The following SORCS1 variants were observed in gnomAD, a reference collection of about 807,000 sequenced individuals.
SORCS1 encodes the protein VPS10 domain-containing receptor SorCS1.
Under a neutral mutation model 146.1 loss-of-function variants are expected in SORCS1, and 60 were observed. That is an observed-to-expected ratio of 0.41 (90% confidence interval 0.33 to 0.51). SORCS1 has a LOEUF of 0.51. SORCS1 is among the 20% of genes least tolerant of loss of function. The pLI is 0.21. For synonymous variants in SORCS1, 637 were observed against 584.0 expected, an observed-to-expected ratio of 1.09 and a Z score of -1.31; for missense variants, 1,352 against 1,487.6, an observed-to-expected ratio of 0.91 and a Z score of 1.50.
intron 2 of SORCS1, among the ~76,000 whole-genome samples, chr10:106,936,084 T>C (rs992921414): frequency 4.6e-5 from 7 of 152,194 alleles, no homozygotes; most frequent in African/African-American, 1.4e-4. Context: ...TGCAGTATGG[T>C]GCAGGAAGCT....
chr10:106,803,291 A>G (rs900038656), intron 3 of SORCS1, among the ~76,000 whole-genome samples: 2 of 152,206 alleles, frequency 1.3e-5, no homozygotes, highest in African/African-American at 4.8e-5. Context: ...ATTCATTTAC[A>G]TATCCATATC....
At chr10:107,042,796 GATGGGGTTTCACC>G (rs1959179691) in intron 1 of SORCS1, among the ~76,000 whole-genome samples, 1 of 152,028 alleles carries the variant, frequency 6.6e-6, no homozygotes, top group Admixed American at 6.6e-5. Flanking sequence ...TTTTAGTAGA[GATGGGGTTTCACC>G]ATGTTGGCCA....
At chr10:106,792,834 C>G (rs1946380754) in intron 3 of SORCS1, among the ~76,000 whole-genome samples, 1 of 151,878 alleles carries the variant, frequency 6.6e-6, no homozygotes, top group Admixed American at 6.6e-5. Context: ...AATAAATATT[C>G]AAAAAAATTA....
chr10:106,852,715 TA>T (rs1949640739), intron 2 of SORCS1, among the ~76,000 whole-genome samples: 1 of 152,106 alleles, frequency 6.6e-6, no homozygotes, highest in African/African-American at 2.4e-5. Context: ...GAATTGGTAT[TA>T]AGTTTTGTTA....
chr10:107,127,938 A>G (rs1488482641), intron 1 of SORCS1, among the ~76,000 whole-genome samples: 1 of 152,178 alleles, frequency 6.6e-6, no homozygotes. Flanking sequence ...GGAACCTCAG[A>G]TTCTTCATTG....
At chr10:106,598,751 C>T (rs56256478) in intron 23 of SORCS1, among the ~76,000 whole-genome samples, 7,139 of 151,950 alleles carry the variant, frequency 0.047, 197 homozygotes, top group East Asian at 0.13. Context: ...GCCAAAATAA[C>T]GCCTTTAATC....
chr10:107,026,416 G>A (rs1281491793), intron 1 of SORCS1, among the ~76,000 whole-genome samples: 3 of 152,048 alleles, frequency 2.0e-5, no homozygotes, highest in African/African-American at 4.8e-5. Context: ...TCAGGAGATC[G>A]AGACCATCCT....
At chr10:106,782,013 C>T (rs1860933276) in intron 3 of SORCS1, among the ~76,000 whole-genome samples, 4 of 152,180 alleles carry the variant, frequency 2.6e-5, no homozygotes, top group Admixed American at 2.6e-4. Flanking sequence ...TTTCCTAAAT[C>T]CCATCCTTCC....
At chr10:106,688,104 A>C in intron 10 of SORCS1, 88 bp downstream of exon 10, 1 of 1,514,894 alleles carries the variant, frequency 6.6e-7, no homozygotes, top group Non-Finnish European at 8.8e-7. Flanking sequence ...AACTGAGCAA[A>C]AGTCCCAGAA....
chr10:106,812,087 G>T (rs1947488629), intron 3 of SORCS1, among the ~76,000 whole-genome samples: 1 of 152,078 alleles, frequency 6.6e-6, no homozygotes, highest in African/African-American at 2.4e-5. Flanking sequence ...TGCAAGCTCT[G>T]CCTCCCAGGT....
At chr10:106,947,812 C>A (rs1246921438) in intron 2 of SORCS1, among the ~76,000 whole-genome samples, 1 of 151,488 alleles carries the variant, frequency 6.6e-6, no homozygotes, top group Non-Finnish European at 1.5e-5. Flanking sequence ...CATGCCATCA[C>A]TCTTCACAAG....
At chr10:106,610,782 T>C (rs1418694410) in intron 22 of SORCS1, among the ~76,000 whole-genome samples, 1 of 152,178 alleles carries the variant, frequency 6.6e-6, no homozygotes, top group African/African-American at 2.4e-5. Flanking sequence ...TGCTCACTCA[T>C]GAAAGTAGAA....
rs138966971 is a variant in SORCS1, at chr10:106,874,649, TAGCAGATGACATA to T, written c.627-44989_627-44977del. On this transcript the variant is annotated intron_variant, in intron 2 of 25. Coordinates refer to ENST00000263054, the MANE Select transcript of SORCS1 (RefSeq NM_052918.5). ...TTTGATGACCTTGGAAAACCTCTCC[TAGCAGATGACATA>T]AGCTGGGAGGCACATGGCTGTGCAC... 1.7e-3 allele frequency among the ~76,000 whole-genome samples: 266 copies of T among 152,308 alleles called. 3 individuals carry two copies. The highest frequency in any genetic ancestry group is 5.1e-3 in the African/African-American group (210 of 41,570).
At chr10:106,710,634 A>T (rs1854911963) in intron 6 of SORCS1, among the ~76,000 whole-genome samples, 1 of 152,032 alleles carries the variant, frequency 6.6e-6, no homozygotes, top group Non-Finnish European at 1.5e-5. Context: ...TTTTTTGAGC[A>T]CACTATCCTG....
intron 24 of SORCS1, among the ~76,000 whole-genome samples, chr10:106,596,362 A>G (rs1845904135): frequency 6.6e-6 from 1 of 152,216 alleles, no homozygotes; most frequent in East Asian, 1.9e-4. Flanking sequence ...ACTCTGCAAA[A>G]ATAAGTACTC....
intron 1 of SORCS1, among the ~76,000 whole-genome samples, chr10:106,971,038 C>T (rs1458458851): frequency 1.3e-5 from 2 of 151,698 alleles, no homozygotes; most frequent in African/African-American, 4.8e-5. Context: ...GTGTGAGCCA[C>T]CATGACCGGC....
In SORCS1 at chr10:106,795,563, G is replaced by C. The variant is rs903397383; in HGVS notation, c.727-18871C>G. Among the ~76,000 whole-genome samples the C allele has an allele frequency of 2.4e-4, 37 of 152,186 alleles. 1 individual carries two copies. The highest frequency in any genetic ancestry group is 8.4e-4 in the African/African-American group (35 of 41,442). On this transcript the variant is annotated intron_variant, in intron 3 of 25. Transcript: ENST00000263054. The stretch of plus-strand genomic sequence containing the variant: ...TGATGTGGGGTTGCTGGCTAAAAGA[G>C]GGGTAAGAAGCTCTGGCTATAATGA...
intron 2 of SORCS1, among the ~76,000 whole-genome samples, chr10:106,855,688 TA>T (rs1251560837): frequency 6.6e-6 from 1 of 152,234 alleles, no homozygotes; most frequent in East Asian, 1.9e-4. Context: ...TCTTCATTTC[TA>T]TTACATGGTT....
At chr10:106,739,098 A>G (rs2756255) in intron 5 of SORCS1, among the ~76,000 whole-genome samples, 144,257 of 152,108 alleles carry the variant, frequency 0.95, 68,612 homozygotes, top group Non-Finnish European at 0.99. Context: ...GACCAAGCAA[A>G]GAAATAAAAG....
Sources: gnomAD v4.1 joint callset for allele counts (sites outside exome capture counted in the v4.1 genomes callset) on GRCh38, gnomAD v4.1.1 for gene constraint, MANE v1.5 for transcripts, NCBI Gene and HGNC (gene_info 2026-07-23, HGNC 2026-07-21) for gene names.